The following ARL2BP variants were observed in gnomAD, a reference collection of about 807,000 sequenced individuals.
ARL2BP encodes ADP-ribosylation factor-like protein 2-binding protein.
In ARL2BP, 19 loss-of-function variants were observed where a neutral mutation model predicts 24.2. The observed-to-expected ratio is 0.79, with a 90% CI of 0.55 to 1.15. The LOEUF (loss-of-function observed/expected upper bound fraction) is 1.15. ARL2BP is among the 50% of genes most tolerant of loss of function. ARL2BP has a pLI of 0.00. For missense variants in ARL2BP, 160 were observed against 190.4 expected, an observed-to-expected ratio of 0.84 and a Z score of 0.94; for synonymous variants, 56 against 70.5, an observed-to-expected ratio of 0.79 and a Z score of 1.03.
chr16:57,245,506 CGGGCCGGGCCGGGCAGGGTG>C, intron 1 of ARL2BP, 101 bp downstream of exon 1: 1 of 1,470,854 alleles, frequency 6.8e-7, no homozygotes, highest in Non-Finnish European at 9.2e-7. Context: ...GGGGCCGGGC[CGGGCCGGGCCGGGCAGGGTG>C]GGGGCCGCCA....
In ARL2BP at chr16:57,249,766, G is replaced by T. The variant is rs769939694; in HGVS notation, c.208-1G>T. On this transcript the variant is annotated splice_acceptor_variant, in intron 3 of 5. Transcript: ENST00000219204. LOFTEE classifies it high-confidence loss of function. The stretch of plus-strand genomic sequence containing the variant: ...CACCAAAATCCTTTCCACTGTTGCA[G>T]ATTTCTTTGGTAGAAAAATACATTG... 1 of 1,613,892 alleles carries T rather than the reference G, an allele frequency of 6.2e-7. No individual in the cohort carries two copies. The highest frequency in any genetic ancestry group is 1.1e-5 in the South Asian group (1 of 91,080).
At chr16:57,247,217 G>A (rs1426168513) in intron 2 of ARL2BP, 1 of 152,072 alleles carries the variant, frequency 6.6e-6, no homozygotes, top group Non-Finnish European at 1.5e-5. Context: ...TTTCCCATGT[G>A]GACTTGGGGA....
At chr16:57,252,062 T>C in intron 5 of ARL2BP, 104 bp from the exon 6 acceptor site, 1 of 890,014 alleles carries the variant, frequency 1.1e-6, no homozygotes, top group South Asian at 1.6e-5. Context: ...CTATGTACTC[T>C]GGAGGTCCAC....
intron 5 of ARL2BP, chr16:57,251,580 A>AC (rs1186193139): frequency 6.9e-6 from 1 of 145,526 alleles, no homozygotes; most frequent in Non-Finnish European, 1.5e-5. Context: ...ACATAGCAAG[A>AC]CCCCTATCTC....
intron 2 of ARL2BP, 111 bp downstream of exon 2, chr16:57,246,252 T>G: frequency 9.6e-7 from 1 of 1,040,802 alleles, no homozygotes; most frequent in South Asian, 1.4e-5. Context: ...CCTGCAATTT[T>G]TAATGTAGCA....
intron 2 of ARL2BP, 157 bp downstream of exon 2, chr16:57,246,298 G>T: frequency 1.4e-6 from 1 of 708,848 alleles, no homozygotes; most frequent in East Asian, 2.6e-5. Flanking sequence ...ACTGCAGTTT[G>T]TCTTAGAAAC....
rs1183324386 is a variant in ARL2BP, at chr16:57,252,215, C to T, written c.440C>T (p.Ser147Leu). The change falls in exon 6 of 6, where the codon TCA (serine) becomes TTA (leucine). Residue 147 changes from serine (S) to leucine (L), a missense_variant. Physicochemically the swap from Ser to Leu is moderately radical, Grantham distance 145. Transcript: ENST00000219204. ...LDLSSGLVVT[S>L]LCKSSSLPAS... is the part of the protein sequence containing the mutation. ...TTAAGCAGTGGCTTAGTGGTGACTT[C>T]ATTGTGCAAATCATCTTCTCTGCCA... The T allele has an allele frequency of 1.2e-6, 2 of 1,614,162 alleles. No individual in the cohort carries two copies. The highest frequency in any genetic ancestry group is 1.7e-6 in the Non-Finnish European group (2 of 1,180,030).
At chr16:57,251,794 T>G (rs1389965171) in intron 5 of ARL2BP, 1 of 181,932 alleles carries the variant, frequency 5.5e-6, no homozygotes, top group Non-Finnish European at 1.2e-5. Flanking sequence ...ACCCTGTCTC[T>G]ACAAAAATAA....
intron 5 of ARL2BP, chr16:57,251,400 C>CAA (rs202213377): frequency 2.4e-5 from 3 of 125,078 alleles, no homozygotes; most frequent in African/African-American, 3.0e-5. Flanking sequence ...GACCCTGTGT[C>CAA]AAAAAAAAAA....
rs1454911582 is a variant in ARL2BP, at chr16:57,253,467, T to A, written c.*1200T>A. 3.3e-5 allele frequency: 5 copies of A among 152,126 alleles called. No individual in the cohort carries two copies. Among genetic ancestry groups the A allele is most frequent in the African/African-American group, 1.2e-4 (5 of 41,406 alleles). 9.4% of individuals were successfully genotyped at this position (152,126 alleles called of 1,614,324 possible). On this transcript the variant is annotated 3_prime_UTR_variant, in exon 6 of 6. Transcript: ENST00000219204. ...CAATTCCCAGTGTGTCCCTTTGATT[T>A]TTTTTTTTTAATAGTAAAAATAAGA...
rs2075392745 is a variant in ARL2BP, at chr16:57,247,116, G to A, written c.100+975G>A. On this transcript the variant is annotated intron_variant, in intron 2 of 5. Coordinates refer to ENST00000219204, the MANE Select transcript of ARL2BP (RefSeq NM_012106.4). ...TTGGCTGTATGGCTTAATCCATTTA[G>A]AATGAAAATTACTGACCAAGTTTTT... Among the ~76,000 whole-genome samples, 6 of 152,292 alleles carry A rather than the reference G, an allele frequency of 3.9e-5. No individual in the cohort carries two copies. The South Asian group carries it at 1.2e-3, about 32-fold the overall frequency.
Position 57,248,652 on chromosome 16 carries a change from A to T in ARL2BP, c.207+9A>T. On this transcript the variant is annotated intron_variant, in intron 3 of 5. Transcript: ENST00000219204. Reference sequence around the variant, plus strand: ...CTATTTTTAATGAATACGTAAGTAGATTTCTATGTCTCCTACCAGGAGGTC... The same window carrying T: ...CTATTTTTAATGAATACGTAAGTAGTTTTCTATGTCTCCTACCAGGAGGTC... 1 of 1,479,344 alleles carries T rather than the reference A, an allele frequency of 6.8e-7. No individual in the cohort carries two copies. The highest frequency in any genetic ancestry group is 9.2e-7 in the Non-Finnish European group (1 of 1,085,596). The allele number at this position is 1,479,344 out of a possible 1,614,324, so 91.6% of individuals were successfully genotyped here.
Position 57,253,240 on chromosome 16 carries a change from G to C in ARL2BP, c.*973G>C, listed in dbSNP as rs987862327. ...TATAAACCAGTTTGTAAGGTTCTCT[G>C]GGTTAGGTAGGGACTCTGCAGTTTC... is the stretch of plus-strand genomic sequence containing the variant. On this transcript the variant is annotated 3_prime_UTR_variant, in exon 6 of 6. Coordinates refer to ENST00000219204, the MANE Select transcript of ARL2BP (RefSeq NM_012106.4). The C allele has an allele frequency of 1.3e-5, 2 of 152,408 alleles. No homozygotes were observed. Among genetic ancestry groups the C allele is most frequent in the Non-Finnish European group, 2.9e-5 (2 of 68,050 alleles). The allele number at this position is 152,408 out of a possible 1,614,324, so 9.4% of individuals were successfully genotyped here.
At chr16:57,250,250 C>G in intron 4 of ARL2BP, 161 bp from the exon 5 acceptor site, 1 of 645,894 alleles carries the variant, frequency 1.5e-6, no homozygotes, top group Non-Finnish European at 2.7e-6. Flanking sequence ...TAATTGCACC[C>G]CTGCACTCCT....
chr16:57,252,404 A>C lies in ARL2BP; in HGVS notation c.*137A>C. On this transcript the variant is annotated 3_prime_UTR_variant, in exon 6 of 6. Coordinates refer to ENST00000219204, the MANE Select transcript of ARL2BP (RefSeq NM_012106.4). ...CATTTATGTTAAGTATTAATAGGTC[A>C]AAACCAAAATGACCTAACCCTCCTG... 1 of 1,518,420 alleles carries C rather than the reference A, an allele frequency of 6.6e-7. No individual in the cohort carries two copies. The highest frequency in any genetic ancestry group is 8.9e-7 in the Non-Finnish European group (1 of 1,128,740). 94.1% of individuals were successfully genotyped at this position (1,518,420 alleles called of 1,614,324 possible).
chr16:57,248,068 C>T (rs375042585), intron 2 of ARL2BP, among the ~76,000 whole-genome samples: 1 of 151,838 alleles, frequency 6.6e-6, no homozygotes, highest in Non-Finnish European at 1.5e-5. Flanking sequence ...AATCCCAGCA[C>T]TTTGGGAGGC....
intron 5 of ARL2BP, 83 bp downstream of exon 5, chr16:57,250,590 G>A (rs1361141286): frequency 1.6e-5 from 17 of 1,064,588 alleles, no homozygotes; most frequent in Non-Finnish European, 2.4e-5. Context: ...AACCTCCCAC[G>A]CTTCCCCCAT....
chr16:57,250,584 T>A, intron 5 of ARL2BP, 77 bp downstream of exon 5: 1 of 1,092,040 alleles, frequency 9.2e-7, no homozygotes, highest in Non-Finnish European at 1.4e-6. Flanking sequence ...AACATGAACC[T>A]CCCACGCTTC....
In ARL2BP at chr16:57,251,685, C is replaced by T. The variant is rs562368030; in HGVS notation, c.391-481C>T. The T allele has an allele frequency of 3.9e-5, 6 of 154,666 alleles. No homozygotes were observed. The South Asian group carries it at 1.2e-3, about 30-fold the overall frequency. The allele number at this position is 154,666 out of a possible 1,614,324, so 9.6% of individuals were successfully genotyped here. ...TAAGAATGACCAGGGCCAGGCTGGA[C>T]ACAGTGGCTCATACTTACAATTCCA... On this transcript the variant is annotated intron_variant, in intron 5 of 5. Coordinates refer to ENST00000219204, the MANE Select transcript of ARL2BP (RefSeq NM_012106.4).
Sources: gnomAD v4.1 joint callset for allele counts (sites outside exome capture counted in the v4.1 genomes callset) on GRCh38, gnomAD v4.1.1 for gene constraint, MANE v1.5 for transcripts, NCBI Gene and HGNC (gene_info 2026-07-23, HGNC 2026-07-21) for gene names.